The following GRIK2 variants were observed in gnomAD, a reference collection of about 807,000 sequenced individuals.
GRIK2 encodes glutamate receptor ionotropic, kainate 2.
A neutral mutation model predicts 100.3 loss-of-function variants in GRIK2; 32 were observed. The observed-to-expected ratio is 0.32, with a 90% confidence interval of 0.24 to 0.43. The LOEUF is 0.43. GRIK2 is among the 20% of genes least tolerant of loss of function. GRIK2 has a pLI of 1.00. For missense variants in GRIK2, 843 were observed against 1,114.9 expected, an observed-to-expected ratio of 0.76 and a Z score of 3.47; for synonymous variants, 417 against 389.4, an observed-to-expected ratio of 1.07 and a Z score of -0.83.
chr6:101,782,201 A>C (rs992600805), intron 7 of GRIK2, among the ~76,000 whole-genome samples: 1 of 152,208 alleles, frequency 6.6e-6, no homozygotes, highest in South Asian at 2.1e-4. Context: ...CTGTGATGGA[A>C]ACATTGCAAT....
intron 2 of GRIK2, among the ~76,000 whole-genome samples, chr6:101,614,274 T>C (rs1379768365): frequency 6.6e-6 from 1 of 151,766 alleles, no homozygotes; most frequent in East Asian, 1.9e-4. Flanking sequence ...TTTTATTTCT[T>C]CTTGTCCATT....
At position 101,795,142 on chromosome 6, in the gene GRIK2, C is replaced by G. The variant is rs143136974; in HGVS notation, c.952-4506C>G. ...TCGGCCTCCCAAAGTGTTGGAATTA[C>G]AGATGTGAGCCACCATACCCGGCCA... is the stretch of plus-strand genomic sequence containing the variant. On this transcript the variant is annotated intron_variant, in intron 7 of 16. Coordinates refer to ENST00000369134, the MANE Select transcript of GRIK2 (RefSeq NM_021956.5). Among the ~76,000 whole-genome samples, 92 of 152,266 alleles carry G rather than the reference C, an allele frequency of 6.0e-4. 1 individual carries two copies. The East Asian group carries it at 0.018, about 29-fold the overall frequency.
intron 4 of GRIK2, among the ~76,000 whole-genome samples, chr6:101,631,520 A>G (rs2128320472): frequency 6.6e-6 from 1 of 152,248 alleles, no homozygotes; most frequent in Admixed American, 6.6e-5. Context: ...TGTCACGTAA[A>G]CTATTTCACT....
chr6:101,514,771 T>C (rs948322493), intron 2 of GRIK2, among the ~76,000 whole-genome samples: 2 of 152,254 alleles, frequency 1.3e-5, no homozygotes, highest in Admixed American at 6.6e-5. Flanking sequence ...TTAAGTTTTT[T>C]TGAGAATAAA....
chr6:101,431,165 A>G (rs1040772816), intron 2 of GRIK2: 2 of 231,462 alleles, frequency 8.6e-6, no homozygotes, highest in African/African-American at 4.6e-5. Context: ...GGTGCTCCTC[A>G]GGAACCACAT....
At chr6:101,584,066 T>C (rs59101814) in intron 2 of GRIK2, among the ~76,000 whole-genome samples, 1 of 152,216 alleles carries the variant, frequency 6.6e-6, no homozygotes, top group African/African-American at 2.4e-5. Flanking sequence ...TAAATGGATC[T>C]TGTTTTGTGT....
At chr6:101,900,369 C>T (rs1198260446) in intron 12 of GRIK2, among the ~76,000 whole-genome samples, 1 of 152,046 alleles carries the variant, frequency 6.6e-6, no homozygotes, top group Non-Finnish European at 1.5e-5. Flanking sequence ...GAGGCTGAGG[C>T]AGGAGAATCG....
chr6:101,890,329 CATA>C (rs1313303362), intron 12 of GRIK2: 2 of 152,682 alleles, frequency 1.3e-5, no homozygotes, highest in African/African-American at 4.8e-5. Context: ...TAGTATTCTA[CATA>C]ATATTTGTGG....
At chr6:101,556,549 G>C (rs546170717) in intron 2 of GRIK2, among the ~76,000 whole-genome samples, 10 of 151,570 alleles carry the variant, frequency 6.6e-5, no homozygotes, top group Non-Finnish European at 1.5e-4. Flanking sequence ...AATTATAGAA[G>C]AAACATGCCA....
chr6:101,459,953 C>T (rs1771211237), intron 2 of GRIK2, among the ~76,000 whole-genome samples: 1 of 152,068 alleles, frequency 6.6e-6, no homozygotes, highest in Non-Finnish European at 1.5e-5. Context: ...GACAGGGTTT[C>T]ACCACTTTGG....
intron 2 of GRIK2, among the ~76,000 whole-genome samples, chr6:101,455,984 A>G (rs1430340227): frequency 6.6e-6 from 1 of 152,014 alleles, no homozygotes; most frequent in African/African-American, 2.4e-5. Context: ...TTGAGAGGTA[A>G]AAACTCAAAA....
intron 14 of GRIK2, among the ~76,000 whole-genome samples, chr6:102,026,366 G>GA (rs1009750740): frequency 6.6e-6 from 1 of 150,654 alleles, no homozygotes; most frequent in African/African-American, 2.4e-5. Flanking sequence ...ATTAGGTAGG[G>GA]AAAAGAAATT....
At position 101,686,297 on chromosome 6, in the gene GRIK2, G is replaced by C; in HGVS notation, c.895G>C (p.Glu299Gln). 6.2e-7 allele frequency: 1 copy of C among 1,613,540 alleles called. No individual in the cohort carries two copies. Among genetic ancestry groups the C allele is most frequent in the Non-Finnish European group, 8.5e-7 (1 of 1,179,628 alleles). Reference protein sequence around the residue: ...VSSIIEKWSMERLQAPPKPDS... With the variant: ...VSSIIEKWSMQRLQAPPKPDS... ...CTCCATCATTGAAAAGTGGTCGATG[G>C]AACGATTGCAGGCACCTCCGAAACC... Residue 299 changes from glutamate (E) to glutamine (Q), a missense_variant, in exon 7 of 17, where the codon GAA (glutamate) becomes CAA (glutamine). Physicochemically the swap from Glu to Gln is conservative, Grantham distance 29 (BLOSUM62 2). Coordinates refer to ENST00000369134, the MANE Select transcript of GRIK2 (RefSeq NM_021956.5).
At chr6:101,973,092 C>G (rs368554087) in intron 14 of GRIK2, among the ~76,000 whole-genome samples, 2 of 151,788 alleles carry the variant, frequency 1.3e-5, no homozygotes, top group African/African-American at 4.8e-5. Context: ...AGAGTTTAAT[C>G]ATGAAATTAG....
At position 101,948,317 on chromosome 6, in the gene GRIK2, T is replaced by G. The variant is rs76877342; in HGVS notation, c.2085+19685T>G. ...ATTTGAAGAATCTTAGAACTGTCTTTTTTTTTTTAAAGTCTCTTCCGTTTA... is the reference window on the plus strand; with the variant it reads ...ATTTGAAGAATCTTAGAACTGTCTTGTTTTTTTTAAAGTCTCTTCCGTTTA... On this transcript the variant is annotated intron_variant, in intron 14 of 16. Transcript: ENST00000369134. Among the ~76,000 whole-genome samples the G allele has an allele frequency of 4.8e-3, 720 of 151,206 alleles. 8 individuals are homozygous for G. The highest frequency in any genetic ancestry group is 0.017 in the African/African-American group (702 of 41,374).
At chr6:101,999,624 G>A (rs1794827391) in intron 14 of GRIK2, among the ~76,000 whole-genome samples, 1 of 151,596 alleles carries the variant, frequency 6.6e-6, no homozygotes, top group South Asian at 2.1e-4. Flanking sequence ...GTAATATGTT[G>A]TCTATGGAAA....
chr6:102,028,151 T>TA (rs1344978334), intron 14 of GRIK2, among the ~76,000 whole-genome samples: 2 of 151,338 alleles, frequency 1.3e-5, no homozygotes, highest in East Asian at 3.9e-4. Context: ...CTATAAGTTT[T>TA]AAATTGTTAG....
chr6:101,964,198 C>A (rs950606194), intron 14 of GRIK2, among the ~76,000 whole-genome samples: 32 of 150,746 alleles, frequency 2.1e-4, no homozygotes, highest in African/African-American at 7.8e-4. Flanking sequence ...CATATAACAT[C>A]ATATATAAGA....
chr6:101,459,197 A>G (rs1236686345), intron 2 of GRIK2, among the ~76,000 whole-genome samples: 1 of 152,078 alleles, frequency 6.6e-6, no homozygotes, highest in Non-Finnish European at 1.5e-5. Flanking sequence ...TTTCTAGCCT[A>G]ATTTGGCAGA....
Sources: allele counts gnomAD v4.1 joint callset (sites outside exome capture counted in the v4.1 genomes callset), GRCh38; gene constraint gnomAD v4.1.1; transcripts MANE v1.5; gene names NCBI Gene and HGNC (gene_info 2026-07-23, HGNC 2026-07-21).